FEZ2: variants seen among roughly 807,000 people sequenced by gnomAD.
FEZ2 encodes the protein fasciculation and elongation protein zeta-2.
FEZ2 carries 51 observed loss-of-function variants against 40.4 expected under a neutral mutation model. The ratio of observed to expected loss-of-function variants is 1.26; its 90% CI spans 1.01 to 1.59. The LOEUF is 1.59. Ranked by LOEUF, FEZ2 falls within the 40% of genes most tolerant of loss-of-function variation. The pLI is 0.00. For synonymous variants in FEZ2, 242 were observed against 172.0 expected (o/e 1.41, Z -3.18); for missense variants, 640 against 438.3 (o/e 1.46, Z -4.11).
rs185434363 is a variant in FEZ2 at position 36,584,309 on chromosome 2, C to T, written c.376-840G>A. Among the ~76,000 whole-genome samples, 109 of 152,344 alleles carry T rather than the reference C, an allele frequency of 7.2e-4. 1 individual carries two copies. Among genetic ancestry groups the T allele is most frequent in the Non-Finnish European group, 1.2e-3 (79 of 68,024 alleles). ...CAACAGTTTATGGTAATTTCTCCCT[C>T]TCCTTACCTCTTCATGCCCAGGACT... On this transcript the variant is annotated intron_variant, in intron 2 of 7. Transcript: ENST00000405912.
At chr2:36,557,669 A>G (rs1338980395) in intron 6 of FEZ2, 1 of 152,152 alleles carries the variant, frequency 6.6e-6, no homozygotes, top group Admixed American at 6.5e-5. Context: ...ATATTAATCT[A>G]TTTACTGTGA....
intron 5 of FEZ2, among the ~76,000 whole-genome samples, chr2:36,567,374 A>G (rs1573007804): frequency 6.6e-6 from 1 of 152,218 alleles, no homozygotes; most frequent in African/African-American, 2.4e-5. Context: ...GGAAAAGTCC[A>G]CTGAAGAATC....
intron 5 of FEZ2, among the ~76,000 whole-genome samples, chr2:36,560,591 G>C (rs1668068558): frequency 1.3e-5 from 2 of 152,140 alleles, no homozygotes; most frequent in Admixed American, 1.3e-4. Flanking sequence ...TGTCGAATTT[G>C]AAAAATGCTT....
At chr2:36,576,086 G>C (rs1668561136) in intron 5 of FEZ2, among the ~76,000 whole-genome samples, 1 of 152,126 alleles carries the variant, frequency 6.6e-6, no homozygotes, top group Admixed American at 6.5e-5. Context: ...TAGAGACCAG[G>C]TCTTGCCAAG....
chr2:36,554,829 T>C (rs1347015079), intron 7 of FEZ2, among the ~76,000 whole-genome samples: 2 of 152,202 alleles, frequency 1.3e-5, no homozygotes, highest in Non-Finnish European at 2.9e-5. Flanking sequence ...GAAATCTTCA[T>C]CTTCCTTGTG....
In FEZ2 at chr2:36,558,498, T is replaced by A. The variant is rs1668011438; in HGVS notation, c.919A>T (p.Ile307Phe). ...GGTCCGTTTTTTTTCTCATAAGGAA[T>A]GACTGTAGTCAAATACTGCCAAGTT... ...HMPGTYLTTV[I>F]PYEKKNGPPS... Residue 307 changes from isoleucine to phenylalanine, a missense_variant, in exon 6 of 8, where the codon ATT becomes TTT. Transcript: ENST00000405912. The A allele has an allele frequency of 6.6e-7, 1 of 1,519,314 alleles. No individual in the cohort carries two copies. The highest frequency in any genetic ancestry group is 8.9e-7 in the Non-Finnish European group (1 of 1,129,040). The allele number at this position is 1,519,314 out of a possible 1,614,324, so 94.1% of individuals were successfully genotyped here.
intron 2 of FEZ2, among the ~76,000 whole-genome samples, chr2:36,585,621 C>T (rs1233413836): frequency 6.6e-6 from 1 of 152,028 alleles, no homozygotes; most frequent in Non-Finnish European, 1.5e-5. Flanking sequence ...ACTAAATAAA[C>T]CACAAAAAGG....
intron 4 of FEZ2, among the ~76,000 whole-genome samples, chr2:36,580,655 AAAT>A (rs1270407320): frequency 1.3e-5 from 2 of 152,268 alleles, no homozygotes; most frequent in East Asian, 1.9e-4. Context: ...TGCATTTGAC[AAAT>A]AATTACTGAA....
At chr2:36,587,777 T>C (rs1363414933) in intron 2 of FEZ2, among the ~76,000 whole-genome samples, 1 of 152,106 alleles carries the variant, frequency 6.6e-6, no homozygotes, top group Non-Finnish European at 1.5e-5. Flanking sequence ...CAATGGTAAA[T>C]ACAGTCACTT....
intron 5 of FEZ2, among the ~76,000 whole-genome samples, chr2:36,576,154 A>G (rs1212199219): frequency 6.6e-6 from 1 of 152,236 alleles, no homozygotes; most frequent in Non-Finnish European, 1.5e-5. Flanking sequence ...GAATCTGTTT[A>G]TCCAACTGCC....
intron 5 of FEZ2, among the ~76,000 whole-genome samples, chr2:36,559,828 TG>T (rs1436172542): frequency 6.6e-6 from 1 of 152,162 alleles, no homozygotes; most frequent in African/African-American, 2.4e-5. Flanking sequence ...TTGAGAGAGG[TG>T]AGAGGCAACG....
intron 7 of FEZ2, among the ~76,000 whole-genome samples, chr2:36,553,488 C>A (rs913585604): frequency 1.3e-5 from 2 of 152,054 alleles, no homozygotes; most frequent in African/African-American, 4.8e-5. Flanking sequence ...AACAGGATCC[C>A]TAGGGAAGTC....
chr2:36,555,883 T>C (rs1268842670), intron 6 of FEZ2, 135 bp from the exon 7 acceptor site: 3 of 659,210 alleles, frequency 4.6e-6, no homozygotes, highest in East Asian at 2.8e-5. Flanking sequence ...TAGGTGATTT[T>C]CCTGATAAGG....
At chr2:36,564,736 G>T (rs1192028385) in intron 5 of FEZ2, among the ~76,000 whole-genome samples, 2 of 152,038 alleles carry the variant, frequency 1.3e-5, no homozygotes, top group Admixed American at 6.6e-5. Context: ...TCTTCTCAGA[G>T]AACAAAACCA....
At chr2:36,558,751 T>C in intron 5 of FEZ2, 2 of 304,868 alleles carry the variant, frequency 6.6e-6, no homozygotes, top group Non-Finnish European at 1.2e-5. Flanking sequence ...AACCACCTTT[T>C]TGCATTTCAG....
intron 1 of FEZ2, among the ~76,000 whole-genome samples, chr2:36,591,904 A>G (rs1669085174): frequency 6.6e-6 from 1 of 152,224 alleles, no homozygotes; most frequent in African/African-American, 2.4e-5. Context: ...TACTCTAAGC[A>G]TTAATTCAAA....
intron 5 of FEZ2, among the ~76,000 whole-genome samples, chr2:36,567,171 G>GGTT (rs1223327756): frequency 2.0e-5 from 3 of 152,010 alleles, no homozygotes; most frequent in East Asian, 3.9e-4. Flanking sequence ...CATAAGCTGA[G>GGTT]GCTGTGACAC....
Position 36,581,650 on chromosome 2 carries a change from A to T in FEZ2, c.493-219T>A, listed in dbSNP as rs867946380. ...TACAATATACTAAACACAAACCTAA[A>T]TAGAATTGGATTTACTACGTCCATC... On this transcript the variant is annotated intron_variant, in intron 3 of 7. Coordinates refer to ENST00000405912, the MANE Select transcript of FEZ2 (RefSeq NM_005102.3). The T allele has an allele frequency of 2.9e-5, 14 of 482,454 alleles. No individual in the cohort carries two copies. In the Middle Eastern group the frequency reaches 1.5e-3, roughly 52 times the overall value. 29.9% of individuals were successfully genotyped at this position (482,454 alleles called of 1,614,324 possible).
intron 5 of FEZ2, among the ~76,000 whole-genome samples, chr2:36,566,842 T>C (rs1362438943): frequency 6.6e-6 from 1 of 152,252 alleles, no homozygotes; most frequent in Non-Finnish European, 1.5e-5. Context: ...TTAAATCATA[T>C]TAACTTTAAA....
Sources: allele counts gnomAD v4.1 joint callset (sites outside exome capture counted in the v4.1 genomes callset), GRCh38; gene constraint gnomAD v4.1.1; transcripts MANE v1.5; gene names NCBI Gene and HGNC (gene_info 2026-07-23, HGNC 2026-07-21).